The following TRAK1 variants were observed in gnomAD, a reference collection of about 807,000 sequenced individuals.
The protein encoded by TRAK1 is trafficking kinesin protein 1, also known as trafficking kinesin-binding protein 1.
In TRAK1, 33 loss-of-function variants were observed where a neutral mutation model predicts 92.1. The observed-to-expected ratio is 0.36, with a 90% CI of 0.27 to 0.48. The LOEUF (loss-of-function observed/expected upper bound fraction) is 0.48, where lower values mean the gene tolerates loss of function less well. Ranked by LOEUF, TRAK1 falls within the 20% of genes least tolerant of loss-of-function variation. The probability of loss-of-function intolerance (pLI) is 0.99; values close to 1 mark genes in which losing one functional copy is unlikely to be tolerated. For missense variants in TRAK1, 1,123 were observed against 1,257.9 expected, an observed-to-expected ratio of 0.89 and a Z score of 1.62; for synonymous variants, 521 against 517.3, an observed-to-expected ratio of 1.01 and a Z score of -0.10.
intron 1 of TRAK1, among the ~76,000 whole-genome samples, chr3:42,073,997 T>C (rs1704044005): frequency 6.6e-6 from 1 of 152,286 alleles, no homozygotes; most frequent in Middle Eastern, 3.4e-3. Flanking sequence ...TTTGCCCCTG[T>C]TACGACAAGA....
intron 3 of TRAK1, among the ~76,000 whole-genome samples, chr3:42,177,702 C>T (rs939648558): frequency 4.6e-5 from 7 of 152,172 alleles, no homozygotes; most frequent in Admixed American, 2.6e-4. Context: ...GAAGCTCAGA[C>T]AGAAACTGGG....
intron 1 of TRAK1, among the ~76,000 whole-genome samples, chr3:42,056,819 C>T (rs1292750612): frequency 6.6e-6 from 1 of 152,060 alleles, no homozygotes; most frequent in Non-Finnish European, 1.5e-5. Flanking sequence ...TTTTCTGCCC[C>T]GATTGTAATA....
rs906466645 is a variant in TRAK1 at position 42,081,124 on chromosome 3, G to A, written c.-518-5980G>A. Among the ~76,000 whole-genome samples the A allele has an allele frequency of 3.9e-5, 6 of 152,242 alleles. No individual in the cohort carries two copies. The East Asian group carries it at 1.2e-3, about 29-fold the overall frequency. Reference sequence around the variant, plus strand: ...ACTCCTGGGCTCAGGCCATCCACCCGCCTGGGCCTCCCAAAGTGCTAGGAT... The same window carrying A: ...ACTCCTGGGCTCAGGCCATCCACCCACCTGGGCCTCCCAAAGTGCTAGGAT... On this transcript the variant is annotated intron_variant, in intron 1 of 16. Coordinates refer to the TRAK1 transcript ENST00000487159.
intron 1 of TRAK1, among the ~76,000 whole-genome samples, chr3:42,078,867 TG>T (rs1704290871): frequency 6.6e-6 from 1 of 152,010 alleles, no homozygotes; most frequent in Admixed American, 6.5e-5. Flanking sequence ...CTCTGGAATG[TG>T]GGTGGGAGCC....
chr3:42,134,488 G>T (rs1236923279), intron 2 of TRAK1, among the ~76,000 whole-genome samples: 1 of 151,014 alleles, frequency 6.6e-6, no homozygotes, highest in Non-Finnish European at 1.5e-5. Context: ...ATGTTGCCTC[G>T]GCTGTCTCAC....
chr3:42,176,980 G>A, intron 3 of TRAK1, 90 bp downstream of exon 3: 1 of 1,229,320 alleles, frequency 8.1e-7, no homozygotes, highest in South Asian at 1.3e-5. Flanking sequence ...ACCTGTTTCA[G>A]TGAGGAATCT....
At position 42,217,286 on chromosome 3, in the gene TRAK1, G is replaced by A. The variant is rs369273932; in HGVS notation, c.1964-2208G>A. 77 of 985,306 alleles carry A rather than the reference G, an allele frequency of 7.8e-5. 1 individual carries two copies. The East Asian group carries it at 4.0e-3, about 51-fold the overall frequency. 61.0% of individuals were successfully genotyped at this position (985,306 alleles called of 1,614,324 possible). ...ATCCTGGCAGTCAGTGGTGACATGC[G>A]GAGAGCCCACGGGTCCAGGCGTCCT... On this transcript the variant is annotated intron_variant, in intron 14 of 15. Coordinates refer to ENST00000327628, the MANE Select transcript of TRAK1 (RefSeq NM_001042646.3).
chr3:42,065,362 A>C (rs1338346819), intron 1 of TRAK1, among the ~76,000 whole-genome samples: 1 of 152,218 alleles, frequency 6.6e-6, no homozygotes, highest in Non-Finnish European at 1.5e-5. Context: ...AATTAAGAAT[A>C]TTTGCATTAT....
intron 2 of TRAK1, among the ~76,000 whole-genome samples, chr3:42,127,945 G>C (rs540869861): frequency 1.3e-5 from 2 of 152,268 alleles, no homozygotes; most frequent in Admixed American, 1.3e-4. Flanking sequence ...TTGGGAGGCC[G>C]AGGCGGGTGA....
At chr3:42,113,964 C>T (rs1012063001) in intron 1 of TRAK1, among the ~76,000 whole-genome samples, 3 of 152,204 alleles carry the variant, frequency 2.0e-5, no homozygotes, top group African/African-American at 4.8e-5. Flanking sequence ...GAAACCACCT[C>T]CCCATTAGCA....
upstream of TRAK1, among the ~76,000 whole-genome samples, chr3:42,083,193 GT>G (rs1251935871): frequency 1.3e-5 from 2 of 152,000 alleles, no homozygotes; most frequent in Non-Finnish European, 2.9e-5. Flanking sequence ...CTTTGTTGTT[GT>G]TTTTTTAAAA....
chr3:42,135,753 T>C (rs1322873705), intron 2 of TRAK1, among the ~76,000 whole-genome samples: 4 of 152,192 alleles, frequency 2.6e-5, no homozygotes, highest in Non-Finnish European at 5.9e-5. Flanking sequence ...TTTTTCTTTT[T>C]GGTGTGGTTA....
intron 1 of TRAK1, among the ~76,000 whole-genome samples, chr3:42,123,498 C>G (rs1220166398): frequency 6.6e-6 from 1 of 152,240 alleles, no homozygotes; most frequent in Non-Finnish European, 1.5e-5. Flanking sequence ...GTGGAGCACC[C>G]CAGGATCTAC....
chr3:42,038,396 C>T (rs1367172021), intron 1 of TRAK1, among the ~76,000 whole-genome samples: 1 of 152,206 alleles, frequency 6.6e-6, no homozygotes, highest in Admixed American at 6.5e-5. Flanking sequence ...GTGATCACAG[C>T]TTACTGTAAC....
intron 1 of TRAK1, among the ~76,000 whole-genome samples, chr3:42,049,159 C>T (rs925988058): frequency 1.3e-5 from 2 of 152,210 alleles, no homozygotes; most frequent in African/African-American, 4.8e-5. Flanking sequence ...AGGCATGAAC[C>T]ACCGCACCCA....
At chr3:42,063,253 T>A (rs1201648338) in intron 1 of TRAK1, among the ~76,000 whole-genome samples, 1 of 152,266 alleles carries the variant, frequency 6.6e-6, no homozygotes, top group Non-Finnish European at 1.5e-5. Context: ...AAATAGTTAT[T>A]ATTTTCCGCT....
At chr3:42,194,021 T>A in intron 9 of TRAK1, 123 bp downstream of exon 9, 1 of 947,680 alleles carries the variant, frequency 1.1e-6, no homozygotes. Context: ...CATTTCATTT[T>A]TATTCGTGGG....
rs1454940531 is a variant in TRAK1, at chr3:42,125,574, C to T, written c.246C>T (p.Asp82=). 2.5e-6 allele frequency: 4 copies of T among 1,614,120 alleles called. No homozygotes were observed. Among genetic ancestry groups the T allele is most frequent in the South Asian group, 2.2e-5 (2 of 91,086 alleles). ...TCATTTCTCCAGATGCCAACATTGA[C>T]CTCACAACCGAGCAAATTGAAGAGA... ...TPLISPDANI[D]LTTEQIEETL... Residue 82 remains aspartate (D), a synonymous_variant, in exon 2 of 16, where the codon GAC becomes GAT. Coordinates refer to ENST00000327628, the MANE Select transcript of TRAK1 (RefSeq NM_001042646.3).
chr3:42,202,847 C>T lies in TRAK1; in HGVS notation c.1744+95C>T. ...GGAAGGCGGGGCACCTCTGTCACGC[C>T]TACTCCTTTTTCTTCCGCGACAGCC... On this transcript the variant is annotated intron_variant, in intron 13 of 15. Coordinates refer to ENST00000327628, the MANE Select transcript of TRAK1 (RefSeq NM_001042646.3). The surrounding 1 kb of genome is among the most constrained non-coding windows in gnomAD (Gnocchi z 6.1). 6.5e-7 allele frequency: 1 copy of T among 1,545,644 alleles called. No individual in the cohort carries two copies. Among genetic ancestry groups the T allele is most frequent in the Non-Finnish European group, 8.7e-7 (1 of 1,143,758 alleles).
Sources: allele counts gnomAD v4.1 joint callset (sites outside exome capture counted in the v4.1 genomes callset), GRCh38; gene constraint gnomAD v4.1.1; non-coding constraint Gnocchi (gnomAD v3.1); transcripts MANE v1.5; gene names NCBI Gene and HGNC (gene_info 2026-07-23, HGNC 2026-07-21).